Variants in DAZAP2 observed in about 807,000 individuals in gnomAD.
DAZAP2 encodes DAZ-associated protein 2.
In DAZAP2, 3 loss-of-function variants were observed where a neutral mutation model predicts 16.2. The ratio of observed to expected loss-of-function variants is 0.19; its 90% confidence interval spans 0.08 to 0.48. DAZAP2 has a LOEUF of 0.48. Ranked by LOEUF, DAZAP2 falls within the 20% of genes least tolerant of loss-of-function variation. The pLI is 0.98. For missense variants in DAZAP2, 172 were observed against 215.9 expected, an observed-to-expected ratio of 0.80 and a Z score of 1.27; for synonymous variants, 69 against 77.6, an observed-to-expected ratio of 0.89 and a Z score of 0.58.
intron 3 of DAZAP2, 89 bp from the exon 4 acceptor site, chr12:51,242,240 GC>G: frequency 6.7e-7 from 1 of 1,496,692 alleles, no homozygotes; most frequent in Non-Finnish European, 8.9e-7. Flanking sequence ...TTAGCACATT[GC>G]CTCATCCTAA....
chr12:51,242,816 GAATT>G lies in DAZAP2; in HGVS notation c.*361_*364del, dbSNP rs1944702591. The G allele has an allele frequency of 7.2e-7, 1 of 1,390,382 alleles. No individual in the cohort carries two copies. Among genetic ancestry groups the G allele is most frequent in the South Asian group, 1.7e-5 (1 of 57,526 alleles). 86.1% of individuals were successfully genotyped at this position (1,390,382 alleles called of 1,614,324 possible). A position where few individuals can be genotyped will look rare whatever the true frequency, so the allele number is the denominator to read the frequency against. ...TTGGAGGGAACTTTGATCTTCCTAA[GAATT>G]AAAGTTGCCAAATTATTCTGATTGG... On this transcript the variant is annotated 3_prime_UTR_variant, in exon 4 of 4. Coordinates refer to ENST00000412716, the MANE Select transcript of DAZAP2 (RefSeq NM_014764.4).
At chr12:51,245,696 G>T, downstream of DAZAP2, 1 of 463,122 alleles carries the variant, frequency 2.2e-6, no homozygotes, top group Non-Finnish European at 3.9e-6. Context: ...GCCACATCTT[G>T]TTGGCCAGTC....
intron 3 of DAZAP2, among the ~76,000 whole-genome samples, chr12:51,241,928 A>T (rs1310733146): frequency 1.3e-5 from 2 of 151,104 alleles, no homozygotes; most frequent in African/African-American, 4.9e-5. Context: ...TCTCAAAAAA[A>T]TTAAAAAAAA....
rs771512057 is a variant in DAZAP2 at position 51,238,897 on chromosome 12, C to T, written c.-11C>T. The T allele has an allele frequency of 1.1e-5, 18 of 1,613,472 alleles. 1 individual carries two copies. The South Asian group carries it at 2.0e-4, about 18-fold the overall frequency. ...TCCGCGACGCCGAGACAAACCGGAC[C>T]CGCAACCACCATGAACAGCAAAGGC... On this transcript the variant is annotated 5_prime_UTR_variant, in exon 1 of 4. Transcript: ENST00000412716.
At chr12:51,244,042 T>C (rs1944731033), downstream of DAZAP2, 1 of 450,788 alleles carries the variant, frequency 2.2e-6, no homozygotes, top group Non-Finnish European at 2.9e-6. Flanking sequence ...ATGAGGGAAC[T>C]ATTGATTCTC....
At chr12:51,246,704 T>G, downstream of DAZAP2, 3 of 1,436,746 alleles carry the variant, frequency 2.1e-6, no homozygotes, top group South Asian at 4.2e-5. Flanking sequence ...TGGAGAGAGA[T>G]GCCCTTGATC....
At chr12:51,239,083 C>G (rs569085785) in intron 1 of DAZAP2, 163 bp downstream of exon 1, 5 of 972,114 alleles carry the variant, frequency 5.1e-6, no homozygotes, top group African/African-American at 1.7e-5. Context: ...TCGTCATACC[C>G]AAATTACGGC....
chr12:51,240,253 T>C (rs1944648755), intron 1 of DAZAP2, 90 bp from the exon 2 acceptor site: 12 of 948,646 alleles, frequency 1.3e-5, no homozygotes, highest in South Asian at 8.2e-5. Flanking sequence ...CCCTTCTGCT[T>C]GCTCCCACTA....
In DAZAP2 at chr12:51,243,598, A is replaced by C; in HGVS notation, c.*1140A>C. Reference sequence around the variant, plus strand: ...GGATTTTATTTTATTTTATCTTATAATTTCAGTTCATCTAAATTGTGTGTT... The same window carrying C: ...GGATTTTATTTTATTTTATCTTATACTTTCAGTTCATCTAAATTGTGTGTT... On this transcript the variant is annotated 3_prime_UTR_variant, in exon 4 of 4. Transcript: ENST00000412716. 2.0e-6 allele frequency: 2 copies of C among 985,414 alleles called. No individual in the cohort carries two copies. Among genetic ancestry groups the C allele is most frequent in the Non-Finnish European group, 2.4e-6 (2 of 829,636 alleles). 61.0% of individuals were successfully genotyped at this position (985,414 alleles called of 1,614,324 possible).
At chr12:51,241,918 T>C (rs1206386900) in intron 3 of DAZAP2, among the ~76,000 whole-genome samples, 1 of 149,832 alleles carries the variant, frequency 6.7e-6, no homozygotes, top group Non-Finnish European at 1.5e-5. Context: ...CAAGACTCTA[T>C]CTCAAAAAAA....
At chr12:51,240,833 A>G (rs1388067581) in intron 2 of DAZAP2, 38 bp from the exon 3 acceptor site, 1 of 1,602,002 alleles carries the variant, frequency 6.2e-7, no homozygotes, top group Admixed American at 1.7e-5. Context: ...TAGGAATGTC[A>G]TAAAGTAACA....
chr12:51,244,189 G>A (rs963488581), downstream of DAZAP2, among the ~76,000 whole-genome samples: 15 of 152,146 alleles, frequency 9.9e-5, no homozygotes, highest in Non-Finnish European at 2.1e-4. Context: ...TGCCAAGATA[G>A]ATTCCTCAGC....
At chr12:51,240,154 C>T (rs1185447036) in intron 1 of DAZAP2, 189 bp from the exon 2 acceptor site, 1 of 598,532 alleles carries the variant, frequency 1.7e-6, no homozygotes, top group Non-Finnish European at 3.0e-6. Flanking sequence ...TCGTTAGAAT[C>T]CAGCACCTTC....
Position 51,238,829 on chromosome 12 carries a change from A to G in DAZAP2, c.-79A>G. The G allele has an allele frequency of 6.2e-7, 1 of 1,608,872 alleles. No individual in the cohort carries two copies. Among genetic ancestry groups the G allele is most frequent in the Non-Finnish European group, 8.5e-7 (1 of 1,178,452 alleles). On this transcript the variant is annotated 5_prime_UTR_variant, in exon 1 of 4. Coordinates refer to ENST00000412716, the MANE Select transcript of DAZAP2 (RefSeq NM_014764.4). ...CTAGGCGGACGGACCATCATGTGAC[A>G]CGGAAGTAGCTCCGAACAGGAAGAG...
intron 2 of DAZAP2, 21 bp from the exon 3 acceptor site, chr12:51,240,850 C>T (rs1470520589): frequency 1.1e-5 from 17 of 1,605,588 alleles, no homozygotes; most frequent in African/African-American, 1.3e-5. Context: ...AACATTTTGC[C>T]TTCTCTTCTG....
At position 51,242,390 on chromosome 12, in the gene DAZAP2, G is replaced by A. The variant is rs144235964; in HGVS notation, c.439G>A (p.Val147Ile). 27 of 1,613,818 alleles carry A rather than the reference G, an allele frequency of 1.7e-5. No individual in the cohort carries two copies. In the East Asian group the frequency reaches 2.7e-4, roughly 16 times the overall value. Residue 147 changes from valine (V) to isoleucine (I), a missense_variant, in exon 4 of 4, where the codon GTC becomes ATC. Transcript: ENST00000412716. ...AQLAVMQGAN[V>I]LVTQRKGNFF... is the part of the protein sequence containing the mutation. Reference sequence around the variant, plus strand: ...GCTTGCAGTCATGCAGGGAGCCAACGTCCTCGTAACTCAGCGGAAGGGGAA... The same window carrying A: ...GCTTGCAGTCATGCAGGGAGCCAACATCCTCGTAACTCAGCGGAAGGGGAA...
At position 51,242,388 on chromosome 12, in the gene DAZAP2, A is replaced by G. The variant is rs746134764; in HGVS notation, c.437A>G (p.Asn146Ser). 17 of 1,613,834 alleles carry G rather than the reference A, an allele frequency of 1.1e-5. No individual in the cohort carries two copies. Among genetic ancestry groups the G allele is most frequent in the Non-Finnish European group, 1.4e-5 (16 of 1,179,924 alleles). Residue 146 changes from asparagine to serine, a missense_variant, in exon 4 of 4, where the codon AAC becomes AGC. Asn to Ser is a conservative substitution (Grantham distance 46, BLOSUM62 1). Transcript: ENST00000412716. ...CAGCTTGCAGTCATGCAGGGAGCCA[A>G]CGTCCTCGTAACTCAGCGGAAGGGG... ...AAQLAVMQGANVLVTQRKGNF... is the reference protein window; with the variant it reads ...AAQLAVMQGASVLVTQRKGNF...
chr12:51,243,220 T>A lies in DAZAP2; in HGVS notation c.*762T>A, dbSNP rs1396734907. On this transcript the variant is annotated 3_prime_UTR_variant, in exon 4 of 4. Coordinates refer to ENST00000412716, the MANE Select transcript of DAZAP2 (RefSeq NM_014764.4). ...TGCATACACGAACCTAACCCAAATT[T>A]GCTTTGGTGCCAGAAAAACTGAGCT... is the stretch of plus-strand genomic sequence containing the variant. 1 of 985,742 alleles carries A rather than the reference T, an allele frequency of 1.0e-6. No individual in the cohort carries two copies. Among genetic ancestry groups the A allele is most frequent in the African/African-American group, 1.7e-5 (1 of 57,236 alleles). The allele number at this position is 985,742 out of a possible 1,614,324, so 61.1% of individuals were successfully genotyped here.
chr12:51,243,336 T>C lies in DAZAP2; in HGVS notation c.*878T>C. On this transcript the variant is annotated 3_prime_UTR_variant, in exon 4 of 4. Coordinates refer to ENST00000412716, the MANE Select transcript of DAZAP2 (RefSeq NM_014764.4). ...AAGGAGGAGGATGCATTTCAAAAGC[T>C]TGATTGATGTGTTCAGAGCTAAATT... 6 of 985,818 alleles carry C rather than the reference T, an allele frequency of 6.1e-6. No individual in the cohort carries two copies. Among genetic ancestry groups the C allele is most frequent in the Non-Finnish European group, 7.2e-6 (6 of 829,954 alleles). The allele number at this position is 985,818 out of a possible 1,614,324, so 61.1% of individuals were successfully genotyped here. A position where few individuals can be genotyped will look rare whatever the true frequency, so the allele number is the denominator to read the frequency against.
Sources: allele counts gnomAD v4.1 joint callset (sites outside exome capture counted in the v4.1 genomes callset), GRCh38; gene constraint gnomAD v4.1.1; transcripts MANE v1.5; gene names NCBI Gene and HGNC (gene_info 2026-07-23, HGNC 2026-07-21).